SOX6: variants seen among roughly 807,000 people sequenced by gnomAD.
SOX6 encodes SRY-box transcription factor 6.
SOX6 carries 11 observed loss-of-function variants against 97.8 expected under a neutral mutation model. That is an observed-to-expected ratio of 0.11 (90% CI 0.07 to 0.19). The LOEUF (loss-of-function observed/expected upper bound fraction) is 0.19. Ranked by LOEUF, SOX6 falls within the 10% of genes least tolerant of loss-of-function variation. SOX6 has a pLI of 1.00. For missense variants in SOX6, 810 were observed against 1,039.5 expected, an observed-to-expected ratio of 0.78 and a Z score of 3.04; for synonymous variants, 360 against 371.4, an observed-to-expected ratio of 0.97 and a Z score of 0.35.
At chr11:16,236,654 G>T (rs1410045340) in intron 3 of SOX6, among the ~76,000 whole-genome samples, 1 of 151,876 alleles carries the variant, frequency 6.6e-6, no homozygotes, top group South Asian at 2.1e-4. Flanking sequence ...CAATTTATTT[G>T]TAATAATAAC....
intron 9 of SOX6, among the ~76,000 whole-genome samples, chr11:16,057,508 A>T (rs892863127): frequency 6.6e-6 from 1 of 152,118 alleles, no homozygotes; most frequent in Non-Finnish European, 1.5e-5. Flanking sequence ...TCCCTTGGAG[A>T]CATCCTTTCT....
chr11:16,031,807 G>C (rs1327931433), intron 12 of SOX6, among the ~76,000 whole-genome samples: 1 of 151,978 alleles, frequency 6.6e-6, no homozygotes, highest in Non-Finnish European at 1.5e-5. Context: ...AGGAGGTTAG[G>C]GAGGGAGAAA....
chr11:16,335,249 T>C (rs1426119751), intron 2 of SOX6, among the ~76,000 whole-genome samples: 1 of 152,180 alleles, frequency 6.6e-6, no homozygotes, highest in African/African-American at 2.4e-5. Context: ...GATGGCCATT[T>C]TCACCTGTTA....
intron 9 of SOX6, among the ~76,000 whole-genome samples, chr11:16,077,891 A>G (rs1848392704): frequency 6.6e-6 from 1 of 152,116 alleles, no homozygotes; most frequent in Admixed American, 6.5e-5. Flanking sequence ...AATAATTTGT[A>G]CAACAAACCC....
intron 3 of SOX6, among the ~76,000 whole-genome samples, chr11:16,686,660 A>G (rs1847971793): frequency 6.6e-6 from 1 of 151,936 alleles, no homozygotes; most frequent in Non-Finnish European, 1.5e-5. Flanking sequence ...ACTTTCCCTC[A>G]TTTTCCTGTC....
At chr11:16,707,921 A>T (rs564783677) in intron 3 of SOX6, among the ~76,000 whole-genome samples, 1 of 152,278 alleles carries the variant, frequency 6.6e-6, no homozygotes, top group Admixed American at 6.5e-5. Flanking sequence ...TAATATCAAA[A>T]CAAAAAGAAA....
Position 16,111,934 on chromosome 11 carries a change from G to A in SOX6, c.778-11C>T, listed in dbSNP as rs201441233. ...CATGTGACCCTGAACCTGCTAAACA[G>A]AAGAGAGCCTATGATCAGACAGGGA... On this transcript the variant is annotated splice_polypyrimidine_tract_variant and intron_variant, in intron 6 of 15. Transcript: ENST00000683767. The A allele has an allele frequency of 1.9e-5, 30 of 1,612,006 alleles. No individual in the cohort carries two copies. In the African/African-American group the frequency reaches 3.9e-4, roughly 21 times the overall value.
At chr11:16,467,296 C>T (rs1430606987) in intron 1 of SOX6, among the ~76,000 whole-genome samples, 1 of 152,052 alleles carries the variant, frequency 6.6e-6, no homozygotes, top group South Asian at 2.1e-4. Flanking sequence ...GGTATGTACC[C>T]AAAGGAATAT....
intron 1 of SOX6, among the ~76,000 whole-genome samples, chr11:16,344,097 T>C (rs1331424515): frequency 6.6e-6 from 1 of 151,956 alleles, no homozygotes; most frequent in African/African-American, 2.4e-5. Context: ...AATCATATAA[T>C]TTCTTGTTTT....
chr11:16,598,857 G>A (rs1036478956), intron 4 of SOX6, among the ~76,000 whole-genome samples: 20 of 150,816 alleles, frequency 1.3e-4, no homozygotes, highest in East Asian at 1.9e-4. Context: ...TAGACAATTC[G>A]TCTCTTTAAG....
chr11:16,206,182 T>C (rs1019122811), intron 4 of SOX6, among the ~76,000 whole-genome samples: 13 of 152,158 alleles, frequency 8.5e-5, no homozygotes, highest in African/African-American at 3.1e-4. Flanking sequence ...GATATTTTTG[T>C]TAATTTTAAG....
At chr11:16,694,577 T>G (rs1564870936) in intron 3 of SOX6, among the ~76,000 whole-genome samples, 1 of 152,188 alleles carries the variant, frequency 6.6e-6, no homozygotes, top group Non-Finnish European at 1.5e-5. Context: ...AATACAGAGG[T>G]ACTATTTACA....
intron 3 of SOX6, among the ~76,000 whole-genome samples, chr11:16,639,544 T>C (rs1214948918): frequency 6.6e-6 from 1 of 152,232 alleles, no homozygotes; most frequent in African/African-American, 2.4e-5. Flanking sequence ...TTCCTACCCA[T>C]GAGCATGGAG....
intron 3 of SOX6, chr11:16,264,759 T>A (rs570219522): frequency 6.6e-6 from 1 of 150,402 alleles, no homozygotes; most frequent in Non-Finnish European, 1.5e-5. Flanking sequence ...AACAATTCAA[T>A]GAGCTAGAAT....
intron 5 of SOX6, among the ~76,000 whole-genome samples, chr11:16,185,498 T>C (rs1322856051): frequency 6.6e-6 from 1 of 152,182 alleles, no homozygotes; most frequent in East Asian, 1.9e-4. Flanking sequence ...TCTAGACGTA[T>C]GGGTTTGACA....
At chr11:16,723,134 A>T (rs957469957) in intron 2 of SOX6, among the ~76,000 whole-genome samples, 29 of 152,372 alleles carry the variant, frequency 1.9e-4, no homozygotes, top group African/African-American at 6.7e-4. Flanking sequence ...ACCATGGAAT[A>T]CTATGCAGTC....
At chr11:16,647,400 G>A (rs142407902) in intron 3 of SOX6, among the ~76,000 whole-genome samples, 5 of 152,160 alleles carry the variant, frequency 3.3e-5, no homozygotes, top group Non-Finnish European at 7.3e-5. Context: ...ATATCTAAAG[G>A]TATTCAGTAT....
At chr11:16,652,884 C>G (rs1847672545) in intron 3 of SOX6, among the ~76,000 whole-genome samples, 1 of 152,020 alleles carries the variant, frequency 6.6e-6, no homozygotes, top group African/African-American at 2.4e-5. Context: ...GACTGATATC[C>G]AGAATCTACA....
chr11:16,708,581 C>A (rs745812003), intron 3 of SOX6, among the ~76,000 whole-genome samples: 44 of 152,240 alleles, frequency 2.9e-4, no homozygotes, highest in Non-Finnish European at 5.4e-4. Flanking sequence ...TATTAGAGAG[C>A]AAGATCTCAC....
Sources: gnomAD v4.1 joint callset for allele counts (sites outside exome capture counted in the v4.1 genomes callset) on GRCh38, gnomAD v4.1.1 for gene constraint, MANE v1.5 for transcripts, NCBI Gene and HGNC (gene_info 2026-07-23, HGNC 2026-07-21) for gene names.